The following RNF152 variants were observed in gnomAD, a reference collection of about 807,000 sequenced individuals.
RNF152 encodes E3 ubiquitin-protein ligase RNF152.
A neutral mutation model predicts 12.7 loss-of-function variants in RNF152; 11 were observed. The observed-to-expected ratio is 0.86, with a 90% CI of 0.54 to 1.43. The LOEUF (loss-of-function observed/expected upper bound fraction) is 1.43. Ranked by LOEUF, RNF152 falls within the 40% of genes most tolerant of loss-of-function variation. The probability of loss-of-function intolerance (pLI) is 0.00; values close to 1 mark genes in which losing one functional copy is unlikely to be tolerated. For synonymous variants in RNF152, 113 were observed against 120.3 expected, an observed-to-expected ratio of 0.94 and a Z score of 0.40; for missense variants, 255 against 274.8, an observed-to-expected ratio of 0.93 and a Z score of 0.51.
intron 1 of RNF152, among the ~76,000 whole-genome samples, chr18:61,844,098 G>GAAAGAAAGAA (rs1555702328): frequency 4.4e-4 from 54 of 123,830 alleles, no homozygotes; most frequent in Non-Finnish European, 6.9e-4. Flanking sequence ...AAGAAAGAAA[G>GAAAGAAAGAA]AAAGAAAGAA....
intron 1 of RNF152, among the ~76,000 whole-genome samples, chr18:61,820,335 A>AC (rs1909336568): frequency 6.9e-6 from 1 of 144,138 alleles, no homozygotes; most frequent in Non-Finnish European, 1.5e-5. Context: ...TCTCACCAAA[A>AC]AAAAAAAAAA....
chr18:61,844,916 G>A (rs145539024), intron 1 of RNF152, among the ~76,000 whole-genome samples: 2,762 of 151,518 alleles, frequency 0.018, 29 homozygotes, highest in Middle Eastern at 0.062. Flanking sequence ...AGTGATTTAC[G>A]ATTTATAGAG....
Position 61,810,622 on chromosome 18 carries a change from T to C in RNF152, c.*5230A>G, listed in dbSNP as rs1052792924. On this transcript the variant is annotated 3_prime_UTR_variant, in exon 2 of 2. Coordinates refer to ENST00000312828, the MANE Select transcript of RNF152 (RefSeq NM_173557.3). Reference sequence around the variant, plus strand: ...GAGATCATGCCATTGCACTCTGGCCTGGGCACCAAGAGCAAAACTCCATCT... The same window carrying C: ...GAGATCATGCCATTGCACTCTGGCCCGGGCACCAAGAGCAAAACTCCATCT... 1 of 152,216 alleles carries C rather than the reference T, an allele frequency of 6.6e-6. No individual in the cohort carries two copies. Among genetic ancestry groups the C allele is most frequent in the African/African-American group, 2.4e-5 (1 of 41,450 alleles). 9.4% of individuals were successfully genotyped at this position (152,216 alleles called of 1,614,324 possible). A position where few individuals can be genotyped will look rare whatever the true frequency, so the allele number is the denominator to read the frequency against.
Position 61,809,856 on chromosome 18 carries a change from G to GAAAAAAA in RNF152, c.*5989_*5995dup, listed in dbSNP as rs56397865. 2 of 100,838 alleles carry GAAAAAAA rather than the reference G, an allele frequency of 2.0e-5. No individual in the cohort carries two copies. The highest frequency in any genetic ancestry group is 1.9e-5 in the Non-Finnish European group (1 of 51,488). 6.2% of individuals were successfully genotyped at this position (100,838 alleles called of 1,614,324 possible). A position where few individuals can be genotyped will look rare whatever the true frequency, so the allele number is the denominator to read the frequency against. ...TGGGATACCCCAGGCAGTGAATCCT[G>GAAAAAAA]AAAAAAAAAAAAAAAAAAAAAGTCA... On this transcript the variant is annotated 3_prime_UTR_variant, in exon 2 of 2. Coordinates refer to ENST00000312828, the MANE Select transcript of RNF152 (RefSeq NM_173557.3).
At chr18:61,836,972 C>T (rs1324539700) in intron 1 of RNF152, among the ~76,000 whole-genome samples, 1 of 152,130 alleles carries the variant, frequency 6.6e-6, no homozygotes, top group Non-Finnish European at 1.5e-5. Context: ...TCACAGATTG[C>T]TTACTAAATG....
intron 1 of RNF152, among the ~76,000 whole-genome samples, chr18:61,839,793 GC>G (rs761529245): frequency 1.3e-5 from 2 of 152,206 alleles, no homozygotes; most frequent in Admixed American, 1.3e-4. Flanking sequence ...TACTCGGGAG[GC>G]TGAGGCAGGA....
chr18:61,817,449 A>G (rs926947086), intron 1 of RNF152, among the ~76,000 whole-genome samples: 4 of 152,238 alleles, frequency 2.6e-5, no homozygotes, highest in Admixed American at 2.6e-4. Flanking sequence ...AATTTTTTGA[A>G]TAGATACGGT....
rs1477060403 is a variant in RNF152, at chr18:61,815,258, T to G, written c.*594A>C. 2.0e-5 allele frequency: 3 copies of G among 152,730 alleles called. No individual in the cohort carries two copies. Among genetic ancestry groups the G allele is most frequent in the African/African-American group, 4.8e-5 (2 of 41,558 alleles). The allele number at this position is 152,730 out of a possible 1,614,324, so 9.5% of individuals were successfully genotyped here. ...AGGTTCATGACAAAACACAACACAT[T>G]GGAGACACTTGTTCAAATATTTCCT... is the stretch of plus-strand genomic sequence containing the variant. On this transcript the variant is annotated 3_prime_UTR_variant, in exon 2 of 2. Transcript: ENST00000312828.
intron 1 of RNF152, among the ~76,000 whole-genome samples, chr18:61,871,670 G>A (rs1018260290): frequency 5.9e-5 from 9 of 152,150 alleles, no homozygotes; most frequent in African/African-American, 1.4e-4. Flanking sequence ...ATGGTATCCC[G>A]ATGCCGAGCC....
At chr18:61,840,779 T>G (rs1722538443) in intron 1 of RNF152, among the ~76,000 whole-genome samples, 1 of 152,196 alleles carries the variant, frequency 6.6e-6, no homozygotes, top group African/African-American at 2.4e-5. Context: ...TTTCCCTACA[T>G]TAATCTCTAA....
intron 1 of RNF152, among the ~76,000 whole-genome samples, chr18:61,872,158 A>G (rs1912025349): frequency 6.6e-6 from 1 of 152,114 alleles, no homozygotes; most frequent in Non-Finnish European, 1.5e-5. Context: ...GGTGCTATAC[A>G]CTTTTAAACA....
intron 1 of RNF152, among the ~76,000 whole-genome samples, chr18:61,886,805 G>T (rs1005047024): frequency 6.6e-6 from 1 of 152,228 alleles, no homozygotes; most frequent in African/African-American, 2.4e-5. Context: ...TCAATCGTAG[G>T]TGATAATACA....
At chr18:61,862,575 G>A (rs1253903627) in intron 1 of RNF152, among the ~76,000 whole-genome samples, 1 of 152,240 alleles carries the variant, frequency 6.6e-6, no homozygotes, top group Non-Finnish European at 1.5e-5. Flanking sequence ...AGGGTTCAAG[G>A]AGCTTCCAGA....
At chr18:61,818,091 G>A (rs1909200294) in intron 1 of RNF152, among the ~76,000 whole-genome samples, 2 of 152,128 alleles carry the variant, frequency 1.3e-5, no homozygotes, top group South Asian at 4.2e-4. Context: ...CCCCCATCAT[G>A]ATATATAATG....
chr18:61,820,348 A>C (rs901782810), intron 1 of RNF152, among the ~76,000 whole-genome samples: 4 of 151,194 alleles, frequency 2.6e-5, no homozygotes, highest in African/African-American at 9.7e-5. Flanking sequence ...AAAAAAAAAA[A>C]AAAAAAAAAA....
rs1344591753 is a variant in RNF152 at position 61,820,331 on chromosome 18, C to CAAAAAAAAAAA, written c.-135-3744_-135-3734dup. Among the ~76,000 whole-genome samples the CAAAAAAAAAAA allele has an allele frequency of 1.3e-4, 5 of 39,978 alleles. 2 individuals are homozygous for CAAAAAAAAAAA. Among genetic ancestry groups the CAAAAAAAAAAA allele is most frequent in the South Asian group, 1.9e-3 (2 of 1,060 alleles). 26.2% of individuals were successfully genotyped at this position (39,978 alleles called of 152,430 possible). On this transcript the variant is annotated intron_variant, in intron 1 of 1. Coordinates refer to ENST00000312828, the MANE Select transcript of RNF152 (RefSeq NM_173557.3). ...GTGACAGAGAGAGACTCCGTCTCAC[C>CAAAAAAAAAAA]AAAAAAAAAAAAAAAAAAAAAAAAA...
At position 61,812,824 on chromosome 18, in the gene RNF152, T is replaced by C. The variant is rs1908868749; in HGVS notation, c.*3028A>G. 1 of 151,830 alleles carries C rather than the reference T, an allele frequency of 6.6e-6. No homozygotes were observed. Among genetic ancestry groups the C allele is most frequent in the Non-Finnish European group, 1.5e-5 (1 of 67,988 alleles). 9.4% of individuals were successfully genotyped at this position (151,830 alleles called of 1,614,324 possible). A position where few individuals can be genotyped will look rare whatever the true frequency, so the allele number is the denominator to read the frequency against. On this transcript the variant is annotated 3_prime_UTR_variant, in exon 2 of 2. Coordinates refer to ENST00000312828, the MANE Select transcript of RNF152 (RefSeq NM_173557.3). Reference sequence around the variant, plus strand: ...CCCTCCTTTCATTTTCCCAGAGAGGTAGATGCTAACTAAAATGAGTACATA... The same window carrying C: ...CCCTCCTTTCATTTTCCCAGAGAGGCAGATGCTAACTAAAATGAGTACATA...
chr18:61,827,978 A>G (rs1183554238), intron 1 of RNF152, among the ~76,000 whole-genome samples: 1 of 152,238 alleles, frequency 6.6e-6, no homozygotes, highest in Non-Finnish European at 1.5e-5. Context: ...CAAAAAATCC[A>G]GATTTCTCCT....
intron 1 of RNF152, among the ~76,000 whole-genome samples, chr18:61,825,955 T>C (rs775183625): frequency 7.2e-5 from 11 of 152,222 alleles, no homozygotes; most frequent in Non-Finnish European, 1.3e-4. Flanking sequence ...ATTTTATCTA[T>C]GTCAGGGACC....
Sources: allele counts gnomAD v4.1 joint callset (sites outside exome capture counted in the v4.1 genomes callset), GRCh38; gene constraint gnomAD v4.1.1; transcripts MANE v1.5; gene names NCBI Gene and HGNC (gene_info 2026-07-23, HGNC 2026-07-21).